Variants in SLC24A2 observed in about 807,000 individuals in gnomAD.
SLC24A2 encodes sodium/potassium/calcium exchanger 2.
SLC24A2 carries 36 observed loss-of-function variants against 62.0 expected under a neutral mutation model. The observed-to-expected ratio is 0.58, with a 90% CI of 0.44 to 0.77. The LOEUF (loss-of-function observed/expected upper bound fraction) is 0.77, where lower values mean the gene tolerates loss of function less well. SLC24A2 is among the 30% of genes least tolerant of loss of function. The pLI is 0.00. For synonymous variants in SLC24A2, 358 were observed against 294.0 expected (o/e 1.22, Z -2.23); for missense variants, 846 against 817.9 (o/e 1.03, Z -0.42).
intron 2 of SLC24A2, among the ~76,000 whole-genome samples, chr9:19,642,578 C>G (rs1435730672): frequency 6.6e-6 from 1 of 151,798 alleles, no homozygotes; most frequent in Non-Finnish European, 1.5e-5. Context: ...GTTATGCCTA[C>G]AGGTCCTGCT....
the SLC24A2 span, among the ~76,000 whole-genome samples, chr9:20,051,930 G>A: frequency 9.9e-5 from 15 of 151,642 alleles, no homozygotes; most frequent in Admixed American, 3.9e-4. Flanking sequence ...TTAATCCCCC[G>A]TTTTCTCATA....
the SLC24A2 span, among the ~76,000 whole-genome samples, chr9:20,114,478 A>G: frequency 5.3e-5 from 8 of 152,160 alleles, no homozygotes; most frequent in East Asian, 1.5e-3. Context: ...ACTTCATGAC[A>G]TTACTGCTAA....
At chr9:20,235,719 G>T in the SLC24A2 span, among the ~76,000 whole-genome samples, 4 of 152,140 alleles carry the variant, frequency 2.6e-5, no homozygotes, top group Non-Finnish European at 5.9e-5. Context: ...CTCGCACACG[G>T]TGTACTGCAC....
At chr9:20,248,987 G>A in the SLC24A2 span, among the ~76,000 whole-genome samples, 20 of 152,246 alleles carry the variant, frequency 1.3e-4, no homozygotes, top group African/African-American at 4.6e-4. Flanking sequence ...ACAGGCCAGG[G>A]AGCCCAGTGG....
At chr9:19,698,631 T>C (rs1024868726) in intron 2 of SLC24A2, among the ~76,000 whole-genome samples, 2 of 152,208 alleles carry the variant, frequency 1.3e-5, no homozygotes, top group South Asian at 2.1e-4. Context: ...AGACTTCCTA[T>C]GTGCCATGCA....
chr9:19,615,878 C>G (rs970511573), intron 4 of SLC24A2, among the ~76,000 whole-genome samples: 1 of 152,036 alleles, frequency 6.6e-6, no homozygotes, highest in African/African-American at 2.4e-5. Flanking sequence ...AACCTCTTCT[C>G]CAAACAGAAA....
intron 2 of SLC24A2, among the ~76,000 whole-genome samples, chr9:19,746,547 T>C (rs1191257175): frequency 1.3e-5 from 2 of 152,156 alleles, no homozygotes; most frequent in East Asian, 3.9e-4. Flanking sequence ...GATACTTCTA[T>C]AATAGGAAAA....
At chr9:20,112,582 G>C in the SLC24A2 span, among the ~76,000 whole-genome samples, 1 of 152,056 alleles carries the variant, frequency 6.6e-6, no homozygotes, top group African/African-American at 2.4e-5. Flanking sequence ...CCTATAATGA[G>C]GCATTCCATT....
At chr9:19,981,008 T>C in the SLC24A2 span, among the ~76,000 whole-genome samples, 1 of 152,190 alleles carries the variant, frequency 6.6e-6, no homozygotes, top group Admixed American at 6.5e-5. Flanking sequence ...GTAACACTTG[T>C]TACTCTCAAT....
At chr9:20,205,211 C>A in the SLC24A2 span, among the ~76,000 whole-genome samples, 9 of 151,988 alleles carry the variant, frequency 5.9e-5, no homozygotes, top group African/African-American at 2.2e-4. Context: ...GGAGTACACG[C>A]AAAGCATTTC....
the SLC24A2 span, among the ~76,000 whole-genome samples, chr9:20,124,194 C>G: frequency 5.3e-5 from 8 of 151,918 alleles, no homozygotes; most frequent in African/African-American, 1.9e-4. Flanking sequence ...CCCAATATAT[C>G]CTGTCTTGGC....
At chr9:19,890,758 GC>G in the SLC24A2 span, among the ~76,000 whole-genome samples, 12 of 151,928 alleles carry the variant, frequency 7.9e-5, no homozygotes, top group African/African-American at 2.9e-4. Flanking sequence ...CAATCCTCCC[GC>G]CTCAGCCTCC....
the SLC24A2 span, among the ~76,000 whole-genome samples, chr9:19,982,095 G>C: frequency 6.6e-6 from 1 of 152,150 alleles, no homozygotes; most frequent in African/African-American, 2.4e-5. Flanking sequence ...ACTCTGGCTA[G>C]GGGGAGGAGA....
At chr9:19,740,329 T>C (rs1344561158) in intron 2 of SLC24A2, among the ~76,000 whole-genome samples, 1 of 152,206 alleles carries the variant, frequency 6.6e-6, no homozygotes, top group Non-Finnish European at 1.5e-5. Flanking sequence ...AATAAGCCAA[T>C]TGTACATCAA....
At chr9:19,652,839 C>G (rs1354497722) in intron 2 of SLC24A2, among the ~76,000 whole-genome samples, 1 of 152,168 alleles carries the variant, frequency 6.6e-6, no homozygotes, top group African/African-American at 2.4e-5. Context: ...GATCATTCAT[C>G]CATTCAGTTC....
chr9:20,038,848 G>C, the SLC24A2 span, among the ~76,000 whole-genome samples: 2 of 152,152 alleles, frequency 1.3e-5, no homozygotes, highest in African/African-American at 4.8e-5. Context: ...TGCTGCTAAG[G>C]AGGCAGGAAA....
At chr9:19,914,496 T>A in the SLC24A2 span, among the ~76,000 whole-genome samples, 1 of 152,132 alleles carries the variant, frequency 6.6e-6, no homozygotes, top group Non-Finnish European at 1.5e-5. Context: ...TTGCTCATTT[T>A]TAATAATATA....
chr9:19,649,952 T>C (rs563865041), intron 2 of SLC24A2, among the ~76,000 whole-genome samples: 3 of 152,222 alleles, frequency 2.0e-5, no homozygotes, highest in Non-Finnish European at 4.4e-5. Flanking sequence ...GCAAGTCTCA[T>C]GGCCAAGGAG....
chr9:19,961,418 C>CT, the SLC24A2 span, among the ~76,000 whole-genome samples: 59 of 151,886 alleles, frequency 3.9e-4, no homozygotes, highest in Non-Finnish European at 1.2e-4. Flanking sequence ...GGTTAAAAGC[C>CT]TTTTTTTTCT....
Sources: gnomAD v4.1 joint callset for allele counts (sites outside exome capture counted in the v4.1 genomes callset) on GRCh38, gnomAD v4.1.1 for gene constraint, MANE v1.5 for transcripts, NCBI Gene and HGNC (gene_info 2026-07-23, HGNC 2026-07-21) for gene names.